Variants in KIF26B observed in about 807,000 individuals in gnomAD.
KIF26B encodes the protein kinesin family member 26B, also known as kinesin-like protein KIF26B.
KIF26B carries 63 observed loss-of-function variants against 151.2 expected under a neutral mutation model. That is an observed-to-expected ratio of 0.42 (90% confidence interval 0.34 to 0.51). The LOEUF (loss-of-function observed/expected upper bound fraction) is 0.51. Among genes scored for constraint, KIF26B ranks in the 20% least tolerant of loss-of-function variants. KIF26B has a pLI of 0.07. For synonymous variants in KIF26B, 1,357 were observed against 1,262.1 expected (o/e 1.08, Z -1.59); for missense variants, 2,813 against 2,913.6 (o/e 0.97, Z 0.79).
intron 3 of KIF26B, among the ~76,000 whole-genome samples, chr1:245,415,610 A>G (rs1240979250): frequency 6.6e-6 from 1 of 152,210 alleles, no homozygotes; most frequent in African/African-American, 2.4e-5. Context: ...TGAAGAAGCT[A>G]CAGCTGCTTC....
intron 2 of KIF26B, among the ~76,000 whole-genome samples, chr1:245,266,117 A>G (rs996100896): frequency 2.0e-5 from 3 of 152,220 alleles, no homozygotes; most frequent in Non-Finnish European, 4.4e-5. Context: ...TAAGAAAAAG[A>G]TACTCAAAAG....
chr1:245,483,551 T>G (rs925425408), intron 4 of KIF26B, among the ~76,000 whole-genome samples: 1 of 151,884 alleles, frequency 6.6e-6, no homozygotes, highest in Admixed American at 6.6e-5. Flanking sequence ...AAGTTTGCGT[T>G]GTTAACAAGA....
intron 2 of KIF26B, among the ~76,000 whole-genome samples, chr1:245,194,947 C>G (rs1443472687): frequency 6.6e-6 from 1 of 152,086 alleles, no homozygotes; most frequent in Non-Finnish European, 1.5e-5. Context: ...ACTATATAAT[C>G]TAAACATATA....
At chr1:245,486,449 A>G (rs1269581414) in intron 4 of KIF26B, among the ~76,000 whole-genome samples, 1 of 152,206 alleles carries the variant, frequency 6.6e-6, no homozygotes, top group Non-Finnish European at 1.5e-5. Flanking sequence ...TGGTTTCTAT[A>G]GAGAGCTTTT....
chr1:245,414,220 G>T (rs779154824), intron 3 of KIF26B, among the ~76,000 whole-genome samples: 126 of 152,246 alleles, frequency 8.3e-4, no homozygotes, highest in Non-Finnish European at 1.5e-3. Flanking sequence ...GCAGCAAGAA[G>T]CAGTCTCTCC....
chr1:245,430,130 A>C (rs147691674), intron 4 of KIF26B, among the ~76,000 whole-genome samples: 1 of 152,290 alleles, frequency 6.6e-6, no homozygotes, highest in African/African-American at 2.4e-5. Flanking sequence ...TTCTTTGTGA[A>C]TACCCTCGTG....
intron 2 of KIF26B, among the ~76,000 whole-genome samples, chr1:245,215,247 T>A (rs975700146): frequency 6.6e-6 from 1 of 152,106 alleles, no homozygotes; most frequent in Non-Finnish European, 1.5e-5. Flanking sequence ...CCGAGTACTC[T>A]CAGGGCCCGG....
intron 10 of KIF26B, among the ~76,000 whole-genome samples, chr1:245,653,876 A>G (rs897581297): frequency 6.1e-5 from 9 of 147,208 alleles, no homozygotes; most frequent in Non-Finnish European, 6.0e-5. Context: ...TCTGAACAAC[A>G]TAAGGAGACC....
intron 10 of KIF26B, among the ~76,000 whole-genome samples, chr1:245,666,205 T>C (rs1399977733): frequency 2.0e-5 from 3 of 152,070 alleles, no homozygotes; most frequent in Non-Finnish European, 4.4e-5. Flanking sequence ...TTTCACCATA[T>C]TGGCCAGGCT....
chr1:245,181,865 T>C (rs1235273644), intron 2 of KIF26B, among the ~76,000 whole-genome samples: 1 of 152,124 alleles, frequency 6.6e-6, no homozygotes, highest in Non-Finnish European at 1.5e-5. Flanking sequence ...GCGACCGTGC[T>C]AATGCTAGCT....
At chr1:245,692,607 G>A (rs553384701) in intron 12 of KIF26B, among the ~76,000 whole-genome samples, 1 of 152,146 alleles carries the variant, frequency 6.6e-6, no homozygotes, top group African/African-American at 2.4e-5. Flanking sequence ...GCTAGCAAAC[G>A]CAAGCCACAG....
chr1:245,632,951 A>G (rs2043796609), intron 9 of KIF26B, among the ~76,000 whole-genome samples: 1 of 152,138 alleles, frequency 6.6e-6, no homozygotes, highest in South Asian at 2.1e-4. Flanking sequence ...GGCCTCAACT[A>G]TTACTGCATT....
intron 2 of KIF26B, among the ~76,000 whole-genome samples, chr1:245,329,705 A>G (rs1274643523): frequency 6.6e-6 from 1 of 152,196 alleles, no homozygotes; most frequent in Non-Finnish European, 1.5e-5. Context: ...TGTACCTTGA[A>G]GGTTTGCTAG....
intron 2 of KIF26B, among the ~76,000 whole-genome samples, chr1:245,183,397 T>C (rs1391683186): frequency 6.6e-6 from 1 of 152,228 alleles, no homozygotes; most frequent in Non-Finnish European, 1.5e-5. Flanking sequence ...TACTTCCAGA[T>C]TTTTGTCTTA....
intron 2 of KIF26B, among the ~76,000 whole-genome samples, chr1:245,178,323 A>G (rs1278348422): frequency 4.7e-4 from 71 of 152,154 alleles, no homozygotes; most frequent in Admixed American, 4.6e-3. Context: ...TGTATTTTAA[A>G]ATAAGAGGAG....
chr1:245,559,735 G>A (rs113209449), intron 5 of KIF26B, among the ~76,000 whole-genome samples: 322 of 151,902 alleles, frequency 2.1e-3, no homozygotes, highest in African/African-American at 7.5e-3. Context: ...GTAGAGATGG[G>A]GGGTCTTACT....
At chr1:245,205,656 G>A (rs1669389734) in intron 2 of KIF26B, among the ~76,000 whole-genome samples, 1 of 151,790 alleles carries the variant, frequency 6.6e-6, no homozygotes, top group African/African-American at 2.4e-5. Context: ...ATTTCGTGCT[G>A]GGCTGACAGA....
At position 245,688,827 on chromosome 1, in the gene KIF26B, G is replaced by A. The variant is rs752395952; in HGVS notation, c.5824+20G>A. The A allele has an allele frequency of 1.3e-6, 2 of 1,548,498 alleles. No individual in the cohort carries two copies. The highest frequency in any genetic ancestry group is 1.7e-6 in the Non-Finnish European group (2 of 1,144,604). Reference sequence around the variant, plus strand: ...ATCCAGGTAGGCGGCTGGGCGCAGGGACGCGGGTGAGGAGGGCGGCAGGTG... The same window carrying A: ...ATCCAGGTAGGCGGCTGGGCGCAGGAACGCGGGTGAGGAGGGCGGCAGGTG... On this transcript the variant is annotated intron_variant, in intron 12 of 14. Coordinates refer to ENST00000407071, the MANE Select transcript of KIF26B (RefSeq NM_018012.4).
In KIF26B at chr1:245,407,032, C is replaced by T. The variant is rs147793746; in HGVS notation, c.1000-12547C>T. Among the ~76,000 whole-genome samples the T allele has an allele frequency of 2.9e-4, 44 of 152,296 alleles. No individual in the cohort carries two copies. The East Asian group carries it at 6.6e-3, about 23-fold the overall frequency. On this transcript the variant is annotated intron_variant, in intron 3 of 14. Coordinates refer to ENST00000407071, the MANE Select transcript of KIF26B (RefSeq NM_018012.4). ...TGAACCCCTGACCTCAAGTGATCTG[C>T]CTGCCTTGGCCTCCCAAAGTGCTGG...
Sources: gnomAD v4.1 joint callset for allele counts (sites outside exome capture counted in the v4.1 genomes callset) on GRCh38, gnomAD v4.1.1 for gene constraint, MANE v1.5 for transcripts, NCBI Gene and HGNC (gene_info 2026-07-23, HGNC 2026-07-21) for gene names.